POLR2K: variants seen among roughly 807,000 people sequenced by gnomAD.
POLR2K encodes the protein DNA-directed RNA polymerases I, II, and III subunit RPABC4.
A neutral mutation model predicts 10.1 loss-of-function variants in POLR2K; 9 were observed. The ratio of observed to expected loss-of-function variants is 0.89; its 90% CI spans 0.54 to 1.56. The LOEUF is 1.56. POLR2K is among the 40% of genes most tolerant of loss of function. POLR2K has a pLI of 0.00. For missense variants in POLR2K, 53 were observed against 71.9 expected (o/e 0.74, Z 0.95); for synonymous variants, 19 against 20.3 (o/e 0.94, Z 0.17).
intron 3 of POLR2K, among the ~76,000 whole-genome samples, chr8:100,152,815 G>A (rs190890872): frequency 3.9e-5 from 6 of 152,204 alleles, no homozygotes; most frequent in Admixed American, 3.9e-4. Flanking sequence ...ACCCAGGCTG[G>A]TGTGCAGTGA....
Position 100,151,428 on chromosome 8 carries a change from A to G in POLR2K, c.61+12A>G, listed in dbSNP as rs772338018. 6.7e-7 allele frequency: 1 copy of G among 1,495,650 alleles called. No homozygotes were observed. The highest frequency in any genetic ancestry group is 9.3e-7 in the Non-Finnish European group (1 of 1,071,944). 92.6% of individuals were successfully genotyped at this position (1,495,650 alleles called of 1,614,324 possible). A position where few individuals can be genotyped will look rare whatever the true frequency, so the allele number is the denominator to read the frequency against. On this transcript the variant is annotated intron_variant, in intron 2 of 3. Transcript: ENST00000353107. Reference sequence around the variant, plus strand: ...ATATATCTGTGGAGGTAAGAGTAGCACTTACCTAAAGTAAGAATATTTTAT... The same window carrying G: ...ATATATCTGTGGAGGTAAGAGTAGCGCTTACCTAAAGTAAGAATATTTTAT...
chr8:100,152,359 C>CA (rs1297271860), intron 3 of POLR2K: 3 of 184,278 alleles, frequency 1.6e-5, no homozygotes, highest in Middle Eastern at 2.0e-3. Context: ...AAAGGTACAG[C>CA]AAAAATAGAG....
chr8:100,153,455 A>C lies in POLR2K; in HGVS notation c.*139A>C. On this transcript the variant is annotated 3_prime_UTR_variant, in exon 4 of 4. Transcript: ENST00000353107. ...AGATACATTCCAAGGCCCCCAGTGA[A>C]CTCCTGAAACCTCAAACAGTACCAA... The C allele has an allele frequency of 1.4e-6, 1 of 695,318 alleles. No homozygotes were observed. Among genetic ancestry groups the C allele is most frequent in the Non-Finnish European group, 2.5e-6 (1 of 396,036 alleles). The allele number at this position is 695,318 out of a possible 1,614,324, so 43.1% of individuals were successfully genotyped here.
rs1296381453 is a variant in POLR2K at position 100,150,671 on chromosome 8, T to C, written c.-48T>C. The C allele has an allele frequency of 1.3e-5, 2 of 152,362 alleles. No homozygotes were observed. Among genetic ancestry groups the C allele is most frequent in the African/African-American group, 4.8e-5 (2 of 41,436 alleles). The allele number at this position is 152,362 out of a possible 1,614,324, so 9.4% of individuals were successfully genotyped here. A position where few individuals can be genotyped will look rare whatever the true frequency, so the allele number is the denominator to read the frequency against. ...CTCGACACCTGGACTAGCCGGGTTG[T>C]ATTTGGAAACGCGGAGTGAGTTTTT... On this transcript the variant is annotated 5_prime_UTR_variant, in exon 1 of 4. Transcript: ENST00000353107.
At chr8:100,153,067 C>T (rs1308749436) in intron 3 of POLR2K, among the ~76,000 whole-genome samples, 1 of 152,126 alleles carries the variant, frequency 6.6e-6, no homozygotes, top group East Asian at 1.9e-4. Context: ...TGCGCCTGGC[C>T]TGCTTTAGTG....
At chr8:100,152,071 CTCTAAATAA>C (rs1814927751) in intron 3 of POLR2K, 155 bp downstream of exon 3, 1 of 624,120 alleles carries the variant, frequency 1.6e-6, no homozygotes, top group Admixed American at 3.5e-5. Flanking sequence ...AATGCATAGG[CTCTAAATAA>C]TCTAAATAAT....
Position 100,151,436 on chromosome 8 carries a change from A to T in POLR2K, c.61+20A>T, listed in dbSNP as rs181212398. The T allele has an allele frequency of 1.6e-3, 2,359 of 1,443,974 alleles. 8 individuals are homozygous for T. Among genetic ancestry groups the T allele is most frequent in the Non-Finnish European group, 1.9e-3 (1,943 of 1,024,788 alleles). The allele number at this position is 1,443,974 out of a possible 1,614,324, so 89.4% of individuals were successfully genotyped here. A position where few individuals can be genotyped will look rare whatever the true frequency, so the allele number is the denominator to read the frequency against. On this transcript the variant is annotated intron_variant, in intron 2 of 3. Coordinates refer to ENST00000353107, the MANE Select transcript of POLR2K (RefSeq NM_005034.4). ...GTGGAGGTAAGAGTAGCACTTACCT[A>T]AAGTAAGAATATTTTATTTAAGTTT...
chr8:100,152,338 C>T (rs1406260878), intron 3 of POLR2K: 4 of 193,542 alleles, frequency 2.1e-5, no homozygotes, highest in Non-Finnish European at 3.1e-5. Context: ...TTTTGTATAT[C>T]TGAACATAGA....
chr8:100,151,980 A>G (rs1437155753), intron 3 of POLR2K, 64 bp downstream of exon 3: 1 of 807,482 alleles, frequency 1.2e-6, no homozygotes, highest in Non-Finnish European at 2.1e-6. Flanking sequence ...TGGGGTTGAT[A>G]AAGATTAATT....
intron 3 of POLR2K, among the ~76,000 whole-genome samples, chr8:100,152,855 C>T (rs1814938769): frequency 6.6e-6 from 1 of 152,102 alleles, no homozygotes; most frequent in African/African-American, 2.4e-5. Context: ...GCAAGCTCTG[C>T]CTTCCGGGTT....
At position 100,153,587 on chromosome 8, in the gene POLR2K, T is replaced by C. The variant is rs1232193041; in HGVS notation, c.*271T>C. ...ATAATGTAATAGAACAATGATAACA[T>C]ACTATAATAAAAGTTATGTGAATGT... On this transcript the variant is annotated 3_prime_UTR_variant, in exon 4 of 4. Transcript: ENST00000353107. 1 of 311,418 alleles carries C rather than the reference T, an allele frequency of 3.2e-6. No individual in the cohort carries two copies. The highest frequency in any genetic ancestry group is 5.8e-6 in the Non-Finnish European group (1 of 172,350). The allele number at this position is 311,418 out of a possible 1,614,324, so 19.3% of individuals were successfully genotyped here.
At chr8:100,151,539 C>A (rs1814918921) in intron 2 of POLR2K, 123 bp downstream of exon 2, 2 of 717,006 alleles carry the variant, frequency 2.8e-6, no homozygotes, top group Non-Finnish European at 4.8e-6. Context: ...ACTTTAGCAA[C>A]CATAAAAAAA....
At position 100,151,866 on chromosome 8, in the gene POLR2K, G is replaced by A; in HGVS notation, c.104G>A (p.Arg35Lys). 1 of 1,571,136 alleles carries A rather than the reference G, an allele frequency of 6.4e-7. No homozygotes were observed. The highest frequency in any genetic ancestry group is 8.7e-7 in the Non-Finnish European group (1 of 1,144,130). ...ENEIKSRDPI[R>K]CRECGYRIMY... is the part of the protein sequence containing the mutation. ...GAAATAAAATCTAGGGATCCAATCAGATGCAGAGAATGTGGATACAGAATA... is the reference window on the plus strand; with the variant it reads ...GAAATAAAATCTAGGGATCCAATCAAATGCAGAGAATGTGGATACAGAATA... Residue 35 changes from arginine (R) to lysine (K), a missense_variant, in exon 3 of 4, where the codon AGA becomes AAA. Transcript: ENST00000353107.
chr8:100,153,502 CAT>C lies in POLR2K; in HGVS notation c.*196_*197del, dbSNP rs538243588. On this transcript the variant is annotated 3_prime_UTR_variant, in exon 4 of 4. Coordinates refer to ENST00000353107, the MANE Select transcript of POLR2K (RefSeq NM_005034.4). Reference sequence around the variant, plus strand: ...CCAAACCTTTATACACTGTTTTTTCCATATATATATACCTATGATAAAGTATA... The same window carrying C: ...CCAAACCTTTATACACTGTTTTTTCCATATATATACCTATGATAAAGTATA... The C allele has an allele frequency of 2.8e-5, 14 of 497,264 alleles. No individual in the cohort carries two copies. Among genetic ancestry groups the C allele is most frequent in the South Asian group, 1.7e-4 (5 of 30,264 alleles). 30.8% of individuals were successfully genotyped at this position (497,264 alleles called of 1,614,324 possible).
rs1814953372 is a variant in POLR2K, at chr8:100,154,000, C to T, written c.*684C>T. ...TCTGATTAAATAAATTTATTGCAAA[C>T]CACTGTCCTGTGTCACTGTGTCATT... On this transcript the variant is annotated 3_prime_UTR_variant, in exon 4 of 4. Coordinates refer to ENST00000353107, the MANE Select transcript of POLR2K (RefSeq NM_005034.4). The T allele has an allele frequency of 6.6e-6, 1 of 152,148 alleles. No individual in the cohort carries two copies. Among genetic ancestry groups the T allele is most frequent in the Admixed American group, 6.5e-5 (1 of 15,270 alleles). The allele number at this position is 152,148 out of a possible 1,614,324, so 9.4% of individuals were successfully genotyped here.
chr8:100,152,005 TA>T, intron 3 of POLR2K, 89 bp downstream of exon 3: 1 of 740,444 alleles, frequency 1.4e-6, no homozygotes, highest in South Asian at 1.6e-5. Context: ...GTTAAAATGA[TA>T]ACTTTCTGGA....
At chr8:100,151,613 A>C (rs1246324945) in intron 2 of POLR2K, 197 bp downstream of exon 2, 2 of 600,076 alleles carry the variant, frequency 3.3e-6, no homozygotes, top group Admixed American at 3.0e-5. Context: ...AAAAAAACAA[A>C]GCTCGTTGAG....
Position 100,151,403 on chromosome 8 carries a change from A to T in POLR2K, c.48A>T (p.Ile16=), listed in dbSNP as rs1814915964. 6.2e-7 allele frequency: 1 copy of T among 1,602,422 alleles called. No homozygotes were observed. Among genetic ancestry groups the T allele is most frequent in the Non-Finnish European group, 8.6e-7 (1 of 1,169,196 alleles). The change falls in exon 2 of 4, where the codon ATA becomes ATT. Residue 16 remains isoleucine (I), a synonymous_variant. Coordinates refer to ENST00000353107, the MANE Select transcript of POLR2K (RefSeq NM_005034.4). ...AACCTCCAAAGCAGCAACCAATGAT[A>T]TATATCTGTGGAGGTAAGAGTAGCA... The part of the protein sequence containing the change: ...DVQPPKQQPM[I]YICGECHTEN...
chr8:100,151,499 T>G, intron 2 of POLR2K, 83 bp downstream of exon 2: 17 of 914,978 alleles, frequency 1.9e-5, no homozygotes, highest in Non-Finnish European at 3.1e-5. Context: ...CTTAAATGAG[T>G]TACTGGTCTT....
Sources: allele counts gnomAD v4.1 joint callset (sites outside exome capture counted in the v4.1 genomes callset), GRCh38; gene constraint gnomAD v4.1.1; transcripts MANE v1.5; gene names NCBI Gene and HGNC (gene_info 2026-07-23, HGNC 2026-07-21).